Variants in TMTC2 observed in about 807,000 individuals in gnomAD.
TMTC2 encodes transmembrane O-mannosyltransferase targeting cadherins 2, also known as protein O-mannosyl-transferase TMTC2.
TMTC2 carries 43 observed loss-of-function variants against 82.4 expected under a neutral mutation model. The observed-to-expected ratio is 0.52, with a 90% CI of 0.41 to 0.67. The LOEUF (loss-of-function observed/expected upper bound fraction) is 0.67. TMTC2 is among the 30% of genes least tolerant of loss of function. The probability of loss-of-function intolerance (pLI) is 0.00; values close to 1 mark genes in which losing one functional copy is unlikely to be tolerated. For synonymous variants in TMTC2, 408 were observed against 381.9 expected (o/e 1.07, Z -0.80); for missense variants, 919 against 1,012.4 (o/e 0.91, Z 1.25).
intron 8 of TMTC2, among the ~76,000 whole-genome samples, chr12:83,006,171 A>G (rs1880194751): frequency 6.6e-6 from 1 of 152,152 alleles, no homozygotes; most frequent in South Asian, 2.1e-4. Context: ...ATTCAGGGCC[A>G]AGGAGTCCTT....
intron 2 of TMTC2, among the ~76,000 whole-genome samples, chr12:82,893,032 A>G (rs1387898952): frequency 1.3e-5 from 2 of 152,156 alleles, no homozygotes; most frequent in African/African-American, 4.8e-5. Flanking sequence ...TGCAAAAGTT[A>G]TTCTTAGATG....
intron 4 of TMTC2, among the ~76,000 whole-genome samples, chr12:82,934,464 G>A (rs966167692): frequency 6.6e-6 from 1 of 151,692 alleles, no homozygotes; most frequent in Admixed American, 6.6e-5. Flanking sequence ...CCACTTATGA[G>A]TGAGAACATG....
chr12:82,819,298 T>A (rs1868937737), intron 1 of TMTC2, among the ~76,000 whole-genome samples: 1 of 152,070 alleles, frequency 6.6e-6, no homozygotes, highest in South Asian at 2.1e-4. Context: ...TCAACTCGAA[T>A]TGCTCTTATA....
chr12:83,061,852 A>T, intron 11 of TMTC2, 21 bp downstream of exon 11: 3 of 1,559,478 alleles, frequency 1.9e-6, no homozygotes, highest in Non-Finnish European at 2.6e-6. Context: ...CCCTAATGAG[A>T]AACATTTTCA....
intron 3 of TMTC2, among the ~76,000 whole-genome samples, chr12:82,903,484 T>C (rs1367324054): frequency 6.6e-6 from 1 of 152,200 alleles, no homozygotes; most frequent in East Asian, 1.9e-4. Flanking sequence ...CGATCTCGCC[T>C]CACTGCAAGC....
At chr12:82,863,272 C>A (rs941426705) in intron 2 of TMTC2, among the ~76,000 whole-genome samples, 6 of 152,082 alleles carry the variant, frequency 3.9e-5, no homozygotes, top group Admixed American at 6.6e-5. Context: ...CTTTTATGAC[C>A]CCCTTTCCTT....
At chr12:83,040,313 A>T (rs1490262243) in intron 9 of TMTC2, among the ~76,000 whole-genome samples, 1 of 152,212 alleles carries the variant, frequency 6.6e-6, no homozygotes, top group African/African-American at 2.4e-5. Context: ...ACAGACCCAG[A>T]GCCAGATTGC....
intron 1 of TMTC2, among the ~76,000 whole-genome samples, chr12:82,815,828 G>T (rs1868680608): frequency 6.6e-6 from 1 of 152,140 alleles, no homozygotes; most frequent in East Asian, 1.9e-4. Flanking sequence ...TTCTCCGGAA[G>T]GAATAATGGG....
chr12:83,116,628 C>T (rs1194224828), intron 11 of TMTC2, among the ~76,000 whole-genome samples: 1 of 152,180 alleles, frequency 6.6e-6, no homozygotes, highest in Non-Finnish European at 1.5e-5. Context: ...TATGGCCATT[C>T]TTGCAAGAGT....
At chr12:83,087,460 G>A (rs2137513792) in intron 11 of TMTC2, among the ~76,000 whole-genome samples, 1 of 152,314 alleles carries the variant, frequency 6.6e-6, no homozygotes, top group East Asian at 1.9e-4. Flanking sequence ...ATCCTTTCCA[G>A]AAGGTTTTAC....
chr12:82,914,821 T>TTTC (rs1157611310), intron 3 of TMTC2, among the ~76,000 whole-genome samples: 2 of 119,942 alleles, frequency 1.7e-5, no homozygotes, highest in East Asian at 4.2e-4. Flanking sequence ...TCACTTATTT[T>TTTC]TTTTTTTTTT....
rs550251567 is a variant in TMTC2, at chr12:82,771,946, G to A, written c.83+84277G>A. ...ATGCCATATTTGCACTAGAATATGG[G>A]CAAATCAATCTTCTATTCTCGCAGA... On this transcript the variant is annotated intron_variant, in intron 1 of 11. Coordinates refer to ENST00000321196, the MANE Select transcript of TMTC2 (RefSeq NM_152588.3). Among the ~76,000 whole-genome samples the A allele has an allele frequency of 3.3e-5, 5 of 152,286 alleles. No individual in the cohort carries two copies. The South Asian group carries it at 1.0e-3, about 32-fold the overall frequency.
At chr12:82,750,208 T>C (rs1875911125) in intron 1 of TMTC2, among the ~76,000 whole-genome samples, 1 of 151,538 alleles carries the variant, frequency 6.6e-6, no homozygotes, top group Non-Finnish European at 1.5e-5. Context: ...AGTTCCTCTT[T>C]TGTTTTATAC....
intron 2 of TMTC2, among the ~76,000 whole-genome samples, chr12:82,873,157 AT>A (rs1474432022): frequency 6.6e-6 from 1 of 150,860 alleles, no homozygotes; most frequent in Non-Finnish European, 1.5e-5. Flanking sequence ...ATCAATCTTA[AT>A]TTTATATTTT....
At chr12:82,884,335 A>C (rs1480332821) in intron 2 of TMTC2, among the ~76,000 whole-genome samples, 1 of 152,226 alleles carries the variant, frequency 6.6e-6, no homozygotes, top group Non-Finnish European at 1.5e-5. Flanking sequence ...CAAACGCTAT[A>C]GAGTGTCAGA....
intron 8 of TMTC2, among the ~76,000 whole-genome samples, chr12:83,012,921 A>G (rs74106023): frequency 7.9e-5 from 12 of 152,276 alleles, no homozygotes; most frequent in African/African-American, 2.9e-4. Flanking sequence ...TATGTATTTC[A>G]GCTGAAGAAT....
chr12:82,897,137 A>G (rs956747458), intron 3 of TMTC2, among the ~76,000 whole-genome samples: 1 of 152,220 alleles, frequency 6.6e-6, no homozygotes, highest in Admixed American at 6.5e-5. Flanking sequence ...GTATGTCTCT[A>G]GATGTCAGTG....
At position 82,687,384 on chromosome 12, in the gene TMTC2, G is replaced by C; in HGVS notation, c.-203G>C. 1.7e-6 allele frequency: 1 copy of C among 599,958 alleles called. No homozygotes were observed. 37.2% of individuals were successfully genotyped at this position (599,958 alleles called of 1,614,324 possible). A position where few individuals can be genotyped will look rare whatever the true frequency, so the allele number is the denominator to read the frequency against. Reference sequence around the variant, plus strand: ...TGTGGTGTGAGCCCGCACCCGGGGAGGACGCAGGAGCTGCGGAGACGGGCG... The same window carrying C: ...TGTGGTGTGAGCCCGCACCCGGGGACGACGCAGGAGCTGCGGAGACGGGCG... On this transcript the variant is annotated 5_prime_UTR_variant, in exon 1 of 12. Transcript: ENST00000321196.
intron 11 of TMTC2, among the ~76,000 whole-genome samples, chr12:83,108,157 A>G (rs1884480489): frequency 6.6e-6 from 1 of 152,150 alleles, no homozygotes; most frequent in East Asian, 1.9e-4. Flanking sequence ...TTCTTTATAA[A>G]TCGCCCAGTC....
Sources: gnomAD v4.1 joint callset for allele counts (sites outside exome capture counted in the v4.1 genomes callset) on GRCh38, gnomAD v4.1.1 for gene constraint, MANE v1.5 for transcripts, NCBI Gene and HGNC (gene_info 2026-07-23, HGNC 2026-07-21) for gene names.